Variants in REV3L observed in about 807,000 individuals in gnomAD.
REV3L encodes REV3 like, DNA directed polymerase zeta catalytic subunit.
REV3L carries 69 observed loss-of-function variants against 299.4 expected under a neutral mutation model. The ratio of observed to expected loss-of-function variants is 0.23; its 90% confidence interval spans 0.19 to 0.28. The LOEUF is 0.28. Among genes scored for constraint, REV3L ranks in the 10% least tolerant of loss-of-function variants. The pLI, the probability that REV3L is intolerant of heterozygous loss-of-function variation, is 1.00. For synonymous variants in REV3L, 1,238 were observed against 1,271.4 expected, an observed-to-expected ratio of 0.97 and a Z score of 0.56; for missense variants, 3,128 against 3,693.8, an observed-to-expected ratio of 0.85 and a Z score of 3.97.
chr6:111,412,766 TA>T (rs61259712), intron 2 of REV3L, among the ~76,000 whole-genome samples: 18,584 of 144,278 alleles, frequency 0.13, 1,497 homozygotes, highest in African/African-American at 0.24. Flanking sequence ...TAATTTCTGT[TA>T]AAAAAAAAAA....
At chr6:111,401,977 G>A (rs548047457) in intron 4 of REV3L, among the ~76,000 whole-genome samples, 13 of 152,084 alleles carry the variant, frequency 8.5e-5, no homozygotes, top group Middle Eastern at 3.4e-3. Flanking sequence ...AGCTAGGTGC[G>A]GTGGCATGCA....
At chr6:111,425,274 T>C (rs1200698598) in intron 1 of REV3L, among the ~76,000 whole-genome samples, 1 of 151,726 alleles carries the variant, frequency 6.6e-6, no homozygotes, top group Admixed American at 6.6e-5. Context: ...CTGGCGAACA[T>C]GGAAACCCCG....
intron 20 of REV3L, 21 bp downstream of exon 20, chr6:111,349,197 C>A: frequency 8.5e-7 from 1 of 1,174,318 alleles, no homozygotes; most frequent in Non-Finnish European, 1.3e-6. Context: ...TTCTAAACAA[C>A]ATTTTGGATA....
chr6:111,300,142 A>G lies in REV3L; in HGVS notation c.9267T>C (p.Cys3089=). Reference sequence around the variant, plus strand: ...GGATGTGTCGATCAAAGCAACCTGTACAGTTCTTGCATATCTGAAAGCATA... The same window carrying G: ...GGATGTGTCGATCAAAGCAACCTGTGCAGTTCTTGCATATCTGAAAGCATA... ...QEQLVKICKN[C]TGCFDRHIPC... The change falls in exon 32 of 32, where the codon TGT becomes TGC. Residue 3089 remains cysteine, a synonymous_variant. Coordinates refer to ENST00000368802, the MANE Select transcript of REV3L (RefSeq NM_001372078.1). The G allele has an allele frequency of 6.2e-7, 1 of 1,603,440 alleles. No individual in the cohort carries two copies. The highest frequency in any genetic ancestry group is 8.5e-7 in the Non-Finnish European group (1 of 1,176,118).
intron 4 of REV3L, among the ~76,000 whole-genome samples, chr6:111,403,779 T>C (rs1469640752): frequency 6.6e-6 from 1 of 152,116 alleles, no homozygotes; most frequent in South Asian, 2.1e-4. Flanking sequence ...AAACTAAAAA[T>C]GATTAAGCTT....
chr6:111,470,174 TCACACACACACACACACACACACACACA>T (rs6149753), intron 1 of REV3L, among the ~76,000 whole-genome samples: 1 of 150,252 alleles, frequency 6.7e-6, no homozygotes, highest in Non-Finnish European at 1.5e-5. Flanking sequence ...TTACTATCTC[TCACACACACACACACACACACACACACA>T]CACACACACA....
chr6:111,369,089 T>C (rs548027852), intron 13 of REV3L, among the ~76,000 whole-genome samples: 4 of 152,034 alleles, frequency 2.6e-5, no homozygotes, highest in African/African-American at 7.2e-5. Context: ...AGGAAATGAA[T>C]ACACATACCA....
intron 25 of REV3L, among the ~76,000 whole-genome samples, chr6:111,324,635 C>T (rs1423006664): frequency 1.3e-5 from 2 of 152,108 alleles, no homozygotes; most frequent in Non-Finnish European, 2.9e-5. Flanking sequence ...CCCAAAGAGT[C>T]AGAACTCTGC....
intron 1 of REV3L, among the ~76,000 whole-genome samples, chr6:111,435,767 T>G (rs562939537): frequency 1.4e-3 from 220 of 152,324 alleles, no homozygotes; most frequent in Admixed American, 5.0e-3. Flanking sequence ...AAGATTTTTT[T>G]GGGTAAGACC....
intron 1 of REV3L, among the ~76,000 whole-genome samples, chr6:111,432,655 A>C (rs1375755719): frequency 6.6e-6 from 1 of 152,246 alleles, no homozygotes; most frequent in African/African-American, 2.4e-5. Flanking sequence ...CAGACAGAAA[A>C]TCAAGAAAGA....
At chr6:111,481,788 A>G (rs1562382268) in intron 1 of REV3L, among the ~76,000 whole-genome samples, 1 of 152,244 alleles carries the variant, frequency 6.6e-6, no homozygotes, top group African/African-American at 2.4e-5. Context: ...TAAAACACCT[A>G]GTAAACTGGG....
At chr6:111,432,909 C>A (rs1227887785) in intron 1 of REV3L, among the ~76,000 whole-genome samples, 2 of 152,062 alleles carry the variant, frequency 1.3e-5, no homozygotes, top group Non-Finnish European at 2.9e-5. Flanking sequence ...TAAAAATACA[C>A]AAACACATGA....
chr6:111,423,723 T>C (rs560093311), intron 1 of REV3L, among the ~76,000 whole-genome samples: 3 of 151,986 alleles, frequency 2.0e-5, no homozygotes, highest in Non-Finnish European at 4.4e-5. Context: ...GAGATGTCAG[T>C]AGAGGTGGAG....
At chr6:111,322,990 A>G (rs1441755746) in intron 25 of REV3L, among the ~76,000 whole-genome samples, 1 of 150,470 alleles carries the variant, frequency 6.6e-6, no homozygotes, top group East Asian at 1.9e-4. Flanking sequence ...TCTTTATTCA[A>G]GAACTTTTTT....
intron 20 of REV3L, among the ~76,000 whole-genome samples, chr6:111,346,157 C>G (rs929683728): frequency 2.0e-5 from 3 of 152,088 alleles, no homozygotes; most frequent in Non-Finnish European, 4.4e-5. Context: ...TTATCTAAAC[C>G]CAGGCCCCTC....
chr6:111,482,901 C>A lies in REV3L; in HGVS notation c.-13G>T, dbSNP rs760304326. 1 of 1,512,332 alleles carries A rather than the reference C, an allele frequency of 6.6e-7. No individual in the cohort carries two copies. The highest frequency in any genetic ancestry group is 8.8e-7 in the Non-Finnish European group (1 of 1,140,164). The allele number at this position is 1,512,332 out of a possible 1,614,324, so 93.7% of individuals were successfully genotyped here. ...TTACTGAAAACATGTTCGCCGCCGC[C>A]GCCACTGCCTCCCTTCACTGGCGAC... On this transcript the variant is annotated 5_prime_UTR_variant, in exon 1 of 32. Coordinates refer to ENST00000368802, the MANE Select transcript of REV3L (RefSeq NM_001372078.1).
chr6:111,387,622 G>T, intron 9 of REV3L, 143 bp downstream of exon 9: 1 of 681,040 alleles, frequency 1.5e-6, no homozygotes, highest in Non-Finnish European at 2.4e-6. Context: ...TAGAAAGGGT[G>T]ACAGAATGGG....
chr6:111,462,840 T>C (rs949315643), intron 1 of REV3L, among the ~76,000 whole-genome samples: 1 of 151,838 alleles, frequency 6.6e-6, no homozygotes, highest in Non-Finnish European at 1.5e-5. Flanking sequence ...AAAAACAAAA[T>C]AAAGCCACAG....
rs766426594 is a variant in REV3L at position 111,374,405 on chromosome 6, T to C, written c.3950A>G (p.Asp1317Gly). The part of the protein sequence containing the change: ...DLQTFPSSRD[D>G]LHPSVVCNSI... ...ATTACAAACAACTGATGGATGCAAA[T>C]CATCTCGTGAACTGGGGAATGTCTG... Residue 1317 changes from aspartate to glycine, a missense_variant, in exon 13 of 32, where the codon GAT (aspartate) becomes GGT (glycine). Physicochemically the swap from Asp to Gly is moderately conservative, Grantham distance 94. This residue lies in a region of REV3L where 2,409 missense variants were observed against 2,611.8 expected (regional missense o/e 0.92). Coordinates refer to ENST00000368802, the MANE Select transcript of REV3L (RefSeq NM_001372078.1). The C allele has an allele frequency of 4.3e-6, 7 of 1,614,010 alleles. No homozygotes were observed. In the South Asian group the frequency reaches 7.7e-5, roughly 18 times the overall value.
Sources: gnomAD v4.1 joint callset for allele counts (sites outside exome capture counted in the v4.1 genomes callset) on GRCh38, gnomAD v4.1.1 for gene constraint, gnomAD v4.1.1 regional missense constraint, MANE v1.5 for transcripts, NCBI Gene and HGNC (gene_info 2026-07-23, HGNC 2026-07-21) for gene names.